MDGA2: variants seen among roughly 807,000 people sequenced by gnomAD.
MDGA2 encodes the protein MAM domain containing glycosylphosphatidylinositol anchor 2.
In MDGA2, 40 loss-of-function variants were observed where a neutral mutation model predicts 117.8. The ratio of observed to expected loss-of-function variants is 0.34; its 90% confidence interval spans 0.26 to 0.44. The LOEUF is 0.44. Ranked by LOEUF, MDGA2 falls within the 20% of genes least tolerant of loss-of-function variation. The pLI, the probability that MDGA2 is intolerant of heterozygous loss-of-function variation, is 1.00. For missense variants in MDGA2, 1,123 were observed against 1,250.6 expected (o/e 0.90, Z 1.54); for synonymous variants, 452 against 439.0 (o/e 1.03, Z -0.37).
intron 4 of MDGA2, among the ~76,000 whole-genome samples, chr14:47,137,582 G>A (rs552466552): frequency 2.4e-4 from 36 of 152,048 alleles, no homozygotes; most frequent in Non-Finnish European, 4.7e-4. Context: ...TTTGCCATGA[G>A]TGAAAGCAGC....
intron 10 of MDGA2, among the ~76,000 whole-genome samples, chr14:46,883,248 C>T (rs1198789866): frequency 6.6e-6 from 1 of 152,012 alleles, no homozygotes; most frequent in African/African-American, 2.4e-5. Context: ...TCAAATTCAT[C>T]AAGTTTTACA....
intron 7 of MDGA2, among the ~76,000 whole-genome samples, chr14:47,051,345 C>T (rs911277766): frequency 2.0e-5 from 3 of 151,678 alleles, no homozygotes; most frequent in Non-Finnish European, 4.4e-5. Flanking sequence ...GAGACCTGTC[C>T]CAGTAATCTT....
At chr14:46,858,167 CTT>C (rs1881348472) in intron 14 of MDGA2, among the ~76,000 whole-genome samples, 1 of 150,714 alleles carries the variant, frequency 6.6e-6, no homozygotes. Context: ...GGAAAATTTT[CTT>C]TGTCTTCAAG....
intron 6 of MDGA2, among the ~76,000 whole-genome samples, chr14:47,076,270 C>G (rs1049201213): frequency 8.6e-5 from 13 of 151,906 alleles, no homozygotes; most frequent in South Asian, 2.1e-4. Context: ...ACTTAATACT[C>G]TTTAACATTA....
chr14:47,484,697 C>T (rs991939385), intron 1 of MDGA2, among the ~76,000 whole-genome samples: 6 of 152,038 alleles, frequency 3.9e-5, no homozygotes, highest in African/African-American at 7.2e-5. Context: ...GGAGGGACCC[C>T]GTGGGAGATG....
At chr14:47,208,830 T>G (rs915585030) in intron 3 of MDGA2, among the ~76,000 whole-genome samples, 1 of 151,998 alleles carries the variant, frequency 6.6e-6, no homozygotes, top group Non-Finnish European at 1.5e-5. Context: ...AAAGAGAATC[T>G]TTATGAAATT....
chr14:47,593,478 T>G (rs1401490552), intron 1 of MDGA2, among the ~76,000 whole-genome samples: 1 of 152,074 alleles, frequency 6.6e-6, no homozygotes, highest in Non-Finnish European at 1.5e-5. Context: ...GGAATGAAAC[T>G]AAATGTCCAT....
At chr14:46,963,906 A>G (rs7144632) in intron 8 of MDGA2, among the ~76,000 whole-genome samples, 3 of 152,122 alleles carry the variant, frequency 2.0e-5, no homozygotes, top group Non-Finnish European at 4.4e-5. Flanking sequence ...TTAAAAGAGT[A>G]AAGATGTACA....
chr14:47,350,875 T>C (rs2138347151), intron 1 of MDGA2, among the ~76,000 whole-genome samples: 1 of 152,324 alleles, frequency 6.6e-6, no homozygotes, highest in East Asian at 1.9e-4. Flanking sequence ...AGAAGAGTGG[T>C]TGCCTGTGCA....
chr14:47,541,916 C>T (rs1229745143), intron 1 of MDGA2, among the ~76,000 whole-genome samples: 2 of 152,128 alleles, frequency 1.3e-5, no homozygotes, highest in South Asian at 2.1e-4. Context: ...TTGTCTTCTT[C>T]GGAAAGTAAA....
chr14:46,999,112 CT>C (rs1887409152), intron 8 of MDGA2, among the ~76,000 whole-genome samples: 1 of 151,854 alleles, frequency 6.6e-6, no homozygotes, highest in African/African-American at 2.4e-5. Flanking sequence ...ATAGTGTTGA[CT>C]TTTTTAGTCA....
chr14:47,154,692 C>T (rs1480231145), intron 3 of MDGA2, among the ~76,000 whole-genome samples: 4 of 152,184 alleles, frequency 2.6e-5, no homozygotes, highest in Admixed American at 2.0e-4. Context: ...ACCTCACCCA[C>T]CTCCGGACTT....
At chr14:47,182,277 T>C (rs1884738592) in intron 3 of MDGA2, among the ~76,000 whole-genome samples, 1 of 152,138 alleles carries the variant, frequency 6.6e-6, no homozygotes, top group African/African-American at 2.4e-5. Context: ...ATTTTGATAT[T>C]GTAACTCTTA....
intron 3 of MDGA2, among the ~76,000 whole-genome samples, chr14:47,150,100 C>A (rs1392054520): frequency 6.6e-6 from 1 of 152,148 alleles, no homozygotes; most frequent in African/African-American, 2.4e-5. Flanking sequence ...GTTTCTGTAT[C>A]ATCTTCAAGC....
chr14:46,957,292 T>C lies in MDGA2; in HGVS notation c.2089+82A>G, dbSNP rs1451181753. On this transcript the variant is annotated intron_variant, in intron 9 of 16. Coordinates refer to ENST00000399232, the MANE Select transcript of MDGA2 (RefSeq NM_001113498.3). Reference sequence around the variant, plus strand: ...TATGCTCCATTGATTTACAAATGTTTTCATTCTTATATTGACATAGGTCTA... The same window carrying C: ...TATGCTCCATTGATTTACAAATGTTCTCATTCTTATATTGACATAGGTCTA... The C allele has an allele frequency of 6.6e-6, 9 of 1,356,982 alleles. No individual in the cohort carries two copies. The South Asian group carries it at 1.2e-4, about 17-fold the overall frequency. The allele number at this position is 1,356,982 out of a possible 1,614,324, so 84.1% of individuals were successfully genotyped here. A position where few individuals can be genotyped will look rare whatever the true frequency, so the allele number is the denominator to read the frequency against.
chr14:47,557,606 T>C (rs1376637558), intron 1 of MDGA2, among the ~76,000 whole-genome samples: 1 of 152,106 alleles, frequency 6.6e-6, no homozygotes, highest in African/African-American at 2.4e-5. Flanking sequence ...CATTCAACAG[T>C]TCAAAATGGA....
At chr14:47,604,278 C>T (rs1329289575) in intron 1 of MDGA2, among the ~76,000 whole-genome samples, 1 of 151,914 alleles carries the variant, frequency 6.6e-6, no homozygotes, top group Non-Finnish European at 1.5e-5. Flanking sequence ...CTCTCCCCTC[C>T]ACCACTCTCA....
At chr14:47,306,328 T>C (rs983297044) in intron 1 of MDGA2, among the ~76,000 whole-genome samples, 1 of 152,196 alleles carries the variant, frequency 6.6e-6, no homozygotes, top group Non-Finnish European at 1.5e-5. Flanking sequence ...GGAACTCACA[T>C]TACCCACCGT....
intron 16 of MDGA2, among the ~76,000 whole-genome samples, chr14:46,843,140 G>GA (rs1221221512): frequency 6.6e-6 from 1 of 150,736 alleles, no homozygotes; most frequent in African/African-American, 2.4e-5. Context: ...GCTAGTTTAA[G>GA]AGAAAAAAAA....
Sources: allele counts gnomAD v4.1 joint callset (sites outside exome capture counted in the v4.1 genomes callset), GRCh38; gene constraint gnomAD v4.1.1; transcripts MANE v1.5; gene names NCBI Gene and HGNC (gene_info 2026-07-23, HGNC 2026-07-21).